Variants in IARS2 observed in about 807,000 individuals in gnomAD.
IARS2 encodes the protein isoleucyl-tRNA synthetase 2, mitochondrial, also known as isoleucine--tRNA ligase, mitochondrial.
A neutral mutation model predicts 126.3 loss-of-function variants in IARS2; 56 were observed. The observed-to-expected ratio is 0.44, with a 90% CI of 0.36 to 0.55. IARS2 has a LOEUF of 0.55. IARS2 is among the 20% of genes least tolerant of loss of function. The pLI is 0.00. For synonymous variants in IARS2, 407 were observed against 441.1 expected (o/e 0.92, Z 0.97); for missense variants, 1,127 against 1,245.9 (o/e 0.90, Z 1.44).
rs374861680 is a variant in IARS2 at position 220,107,176 on chromosome 1, A to C, written c.1327+25A>C. On this transcript the variant is annotated intron_variant, in intron 10 of 22. Transcript: ENST00000366922. ...GGTGAGCATCATATCTGTTGATATC[A>C]TACATGTTTTCTGAAAAGTAGGTAG... 278 of 1,512,082 alleles carry C rather than the reference A, an allele frequency of 1.8e-4. 2 individuals are homozygous for C. Among genetic ancestry groups the C allele is most frequent in the Middle Eastern group, 1.0e-3 (6 of 5,852 alleles). 93.7% of individuals were successfully genotyped at this position (1,512,082 alleles called of 1,614,324 possible). A position where few individuals can be genotyped will look rare whatever the true frequency, so the allele number is the denominator to read the frequency against.
intron 19 of IARS2, among the ~76,000 whole-genome samples, chr1:220,140,574 G>T (rs1052874522): frequency 6.6e-6 from 1 of 152,066 alleles, no homozygotes. Flanking sequence ...GCAAGATCTC[G>T]TCTCAAAAAA....
At position 220,099,774 on chromosome 1, in the gene IARS2, A is replaced by G. The variant is rs570287873; in HGVS notation, c.391-716A>G. Among the ~76,000 whole-genome samples the G allele has an allele frequency of 2.6e-5, 4 of 152,328 alleles. No homozygotes were observed. In the South Asian group the frequency reaches 6.2e-4, roughly 24 times the overall value. On this transcript the variant is annotated intron_variant, in intron 2 of 22. Transcript: ENST00000366922. ...AATATACCCAGAGTAAAGTGAACCA[A>G]TCTTAAGTATGTATAGCTAGATGAA...
chr1:220,112,279 C>T (rs1394746051), intron 11 of IARS2, among the ~76,000 whole-genome samples: 3 of 116,904 alleles, frequency 2.6e-5, no homozygotes, highest in East Asian at 2.4e-4. Flanking sequence ...GGACTACAGG[C>T]GCCCGCCACC....
intron 22 of IARS2, among the ~76,000 whole-genome samples, chr1:220,146,978 T>C (rs779115034): frequency 7.9e-5 from 12 of 152,164 alleles, no homozygotes; most frequent in Non-Finnish European, 1.5e-4. Context: ...GGCCATGTAA[T>C]GTTCACATAC....
chr1:220,113,639 A>G (rs1399527533), intron 11 of IARS2, among the ~76,000 whole-genome samples: 3 of 144,236 alleles, frequency 2.1e-5, no homozygotes, highest in Non-Finnish European at 4.6e-5. Context: ...ATATATATAT[A>G]GAGAGAGAGA....
At chr1:220,120,361 C>CACTCT (rs1159495958) in intron 12 of IARS2, among the ~76,000 whole-genome samples, 1 of 149,328 alleles carries the variant, frequency 6.7e-6, no homozygotes, top group Non-Finnish European at 1.5e-5. Context: ...GGATTATAGG[C>CACTCT]GTGAACCACC....
chr1:220,134,371 GT>G (rs768930125), intron 14 of IARS2, 30 bp from the exon 15 acceptor site: 50 of 1,379,376 alleles, frequency 3.6e-5, no homozygotes, highest in East Asian at 7.3e-5. Flanking sequence ...AAATTTCTGG[GT>G]TTTTTTTTCT....
chr1:220,101,706 A>AG (rs1266558397), intron 3 of IARS2, among the ~76,000 whole-genome samples: 1 of 151,954 alleles, frequency 6.6e-6, no homozygotes, highest in African/African-American at 2.4e-5. Flanking sequence ...ATCTCAAAAA[A>AG]AAAAAATTTT....
At position 220,143,823 on chromosome 1, in the gene IARS2, G is replaced by A. The variant is rs188962842; in HGVS notation, c.2751+689G>A. 2.9e-3 allele frequency: 1,439 copies of A among 494,332 alleles called. 11 individuals carry two copies. The highest frequency in any genetic ancestry group is 9.2e-3 in the South Asian group (261 of 28,416). 30.6% of individuals were successfully genotyped at this position (494,332 alleles called of 1,614,324 possible). Reference sequence around the variant, plus strand: ...TTTATTCTTGGGATTTTTAGGGGTTGATTGGCCAGATTGGCTTATAGCTTA... The same window carrying A: ...TTTATTCTTGGGATTTTTAGGGGTTAATTGGCCAGATTGGCTTATAGCTTA... On this transcript the variant is annotated intron_variant, in intron 21 of 22. Coordinates refer to ENST00000366922, the MANE Select transcript of IARS2 (RefSeq NM_018060.4).
intron 12 of IARS2, among the ~76,000 whole-genome samples, chr1:220,115,903 A>G (rs1656902510): frequency 6.6e-6 from 1 of 152,156 alleles, no homozygotes; most frequent in Non-Finnish European, 1.5e-5. Context: ...TCCATAGATG[A>G]TGAGCTATTC....
intron 12 of IARS2, chr1:220,117,748 A>G (rs1254027227): frequency 4.7e-6 from 2 of 426,970 alleles, no homozygotes; most frequent in Non-Finnish European, 9.3e-6. Context: ...TTCATTAGGT[A>G]TATTTATGTT....
chr1:220,118,681 A>G (rs1037382247), intron 12 of IARS2, among the ~76,000 whole-genome samples: 1 of 152,156 alleles, frequency 6.6e-6, no homozygotes, highest in Non-Finnish European at 1.5e-5. Context: ...TATAGTTAAC[A>G]TAGTGAAACT....
intron 11 of IARS2, among the ~76,000 whole-genome samples, chr1:220,111,596 ATATGTGTGTG>A (rs1436041164): frequency 2.3e-5 from 3 of 133,318 alleles, no homozygotes; most frequent in Non-Finnish European, 4.8e-5. Flanking sequence ...ATATATATAT[ATATGTGTGTG>A]TGTGTGTGTG....
At chr1:220,100,466 A>C (rs370376780) in intron 2 of IARS2, 24 bp from the exon 3 acceptor site, 1 of 1,557,296 alleles carries the variant, frequency 6.4e-7, no homozygotes, top group African/African-American at 1.4e-5. Context: ...TGTATGAATG[A>C]TAATTATCAT....
intron 14 of IARS2, among the ~76,000 whole-genome samples, chr1:220,132,059 G>A (rs564466026): frequency 1.2e-4 from 19 of 152,162 alleles, no homozygotes; most frequent in Admixed American, 3.3e-4. Context: ...GCCTCCCAAA[G>A]TGTTGGTATT....
At chr1:220,123,897 A>G (rs975594232) in intron 12 of IARS2, among the ~76,000 whole-genome samples, 1 of 152,262 alleles carries the variant, frequency 6.6e-6, no homozygotes, top group African/African-American at 2.4e-5. Flanking sequence ...AGTTTGAATA[A>G]TGCTTACATA....
intron 12 of IARS2, among the ~76,000 whole-genome samples, chr1:220,118,608 A>G (rs1238405595): frequency 1.3e-5 from 2 of 152,114 alleles, no homozygotes; most frequent in Non-Finnish European, 2.9e-5. Flanking sequence ...GGGAAGGAAA[A>G]GAAGTTGGTT....
At chr1:220,134,749 G>T in intron 15 of IARS2, 1 of 283,266 alleles carries the variant, frequency 3.5e-6, no homozygotes, top group Non-Finnish European at 6.5e-6. Context: ...GGGAACTTAT[G>T]TAGTTCTTTG....
chr1:220,117,427 C>T (rs1338287569), intron 12 of IARS2, among the ~76,000 whole-genome samples: 2 of 151,298 alleles, frequency 1.3e-5, no homozygotes. Flanking sequence ...CTCAAACTCC[C>T]GACCTCAAGT....
Sources: allele counts gnomAD v4.1 joint callset (sites outside exome capture counted in the v4.1 genomes callset), GRCh38; gene constraint gnomAD v4.1.1; transcripts MANE v1.5; gene names NCBI Gene and HGNC (gene_info 2026-07-23, HGNC 2026-07-21).